The following CAMKK1 variants were observed in gnomAD, a reference collection of about 807,000 sequenced individuals.
The protein encoded by CAMKK1 is calcium/calmodulin-dependent protein kinase kinase 1.
Under a neutral mutation model 63.5 loss-of-function variants are expected in CAMKK1, and 20 were observed. That is an observed-to-expected ratio of 0.32 (90% CI 0.22 to 0.46). The LOEUF (loss-of-function observed/expected upper bound fraction) is 0.46, where lower values mean the gene tolerates loss of function less well. Among genes scored for constraint, CAMKK1 ranks in the 20% least tolerant of loss-of-function variants. CAMKK1 has a pLI of 1.00. For missense variants in CAMKK1, 588 were observed against 658.1 expected, an observed-to-expected ratio of 0.89 and a Z score of 1.17; for synonymous variants, 253 against 269.0, an observed-to-expected ratio of 0.94 and a Z score of 0.58.
At position 3,892,524 on chromosome 17, in the gene CAMKK1, C is replaced by A. The variant is rs1206834236; in HGVS notation, c.-44+415G>T. Among the ~76,000 whole-genome samples the A allele has an allele frequency of 6.6e-6, 1 of 152,146 alleles. No homozygotes were observed. The highest frequency in any genetic ancestry group is 2.4e-5 in the African/African-American group (1 of 41,440). ...TCTCCCACCCCGCCCCCGGCTCCTG[C>A]AGGAAGACGCTCCGGCGGGCCGTGG... On this transcript the variant is annotated intron_variant, in intron 1 of 15. Coordinates refer to ENST00000348335, the MANE Select transcript of CAMKK1 (RefSeq NM_032294.3). This position sits in a 1 kb window ranked among gnomAD's most constrained non-coding sequence, Gnocchi z 7.5.
At chr17:3,888,795 G>T (rs1195549928) in intron 1 of CAMKK1, among the ~76,000 whole-genome samples, 1 of 152,182 alleles carries the variant, frequency 6.6e-6, no homozygotes, top group Non-Finnish European at 1.5e-5. Context: ...GGCCGGGGAG[G>T]CCCGAGGTTC....
intron 14 of CAMKK1, among the ~76,000 whole-genome samples, chr17:3,866,440 C>T (rs1472748840): frequency 1.3e-5 from 2 of 152,260 alleles, no homozygotes; most frequent in African/African-American, 2.4e-5. Context: ...GAGCCGCAGC[C>T]GGTGGCCCAG....
intron 15 of CAMKK1, among the ~76,000 whole-genome samples, chr17:3,864,461 T>C (rs539509603): frequency 1.3e-5 from 2 of 151,210 alleles, no homozygotes; most frequent in Non-Finnish European, 2.9e-5. Flanking sequence ...TTAGCCAGGA[T>C]GGTCTCGATC....
Position 3,882,984 on chromosome 17 carries a change from G to C in CAMKK1, c.648+58C>G, listed in dbSNP as rs1251992064. The C allele has an allele frequency of 3.1e-6, 5 of 1,598,956 alleles. No homozygotes were observed. The East Asian group carries it at 8.9e-5, about 29-fold the overall frequency. On this transcript the variant is annotated intron_variant, in intron 6 of 15. Transcript: ENST00000348335. The surrounding 1 kb of genome is among the most constrained non-coding windows in gnomAD (Gnocchi z 4.3). ...CTGTGCTAGGGGCTCCCCAGCACCAGAAGCGGCTCCCATGAGACTCAGGTG... is the reference window on the plus strand; with the variant it reads ...CTGTGCTAGGGGCTCCCCAGCACCACAAGCGGCTCCCATGAGACTCAGGTG...
In CAMKK1 at chr17:3,871,626, A is replaced by G. The variant is rs193288914; in HGVS notation, c.1124+928T>C. 5.6e-3 allele frequency among the ~76,000 whole-genome samples: 807 copies of G among 143,598 alleles called. 5 individuals are homozygous for G. The highest frequency in any genetic ancestry group is 0.025 in the Middle Eastern group (6 of 238). 94.2% of individuals were successfully genotyped at this position (143,598 alleles called of 152,430 possible). A position where few individuals can be genotyped will look rare whatever the true frequency, so the allele number is the denominator to read the frequency against. ...CCTCCTTGGCCTCCCAAAGTGCTGGAATTACAGGTGTGAGCCGCCGCACCC... is the reference window on the plus strand; with the variant it reads ...CCTCCTTGGCCTCCCAAAGTGCTGGGATTACAGGTGTGAGCCGCCGCACCC... On this transcript the variant is annotated intron_variant, in intron 12 of 15. Transcript: ENST00000348335.
At chr17:3,878,277 G>A (rs966746803) in intron 9 of CAMKK1, among the ~76,000 whole-genome samples, 2 of 152,108 alleles carry the variant, frequency 1.3e-5, no homozygotes, top group Admixed American at 6.5e-5. Context: ...GGTCTTCAGC[G>A]CCCTCGTGCC....
In CAMKK1 at chr17:3,865,965, A is replaced by G. The variant is rs760604494; in HGVS notation, c.1388T>C (p.Phe463Ser). The G allele has an allele frequency of 1.9e-6, 3 of 1,614,220 alleles. No individual in the cohort carries two copies. The highest frequency in any genetic ancestry group is 1.7e-5 in the Admixed American group (1 of 60,022). ...MLRKRSFGNP[F>S]EPQARREERS... The stretch of plus-strand genomic sequence containing the variant: ...CTCTTCCCTCCGTGCTTGGGGCTCA[A>G]ACGGGTTCCCAAAGGAACGCTTCCT... The change falls in exon 15 of 16, where the codon TTT (phenylalanine) becomes TCT (serine). Residue 463 changes from phenylalanine to serine, a missense_variant. Phe to Ser is a radical substitution (Grantham distance 155). Coordinates refer to ENST00000348335, the MANE Select transcript of CAMKK1 (RefSeq NM_032294.3).
At position 3,890,581 on chromosome 17, in the gene CAMKK1, G is replaced by C. The variant is rs962650773; in HGVS notation, c.-44+2358C>G. On this transcript the variant is annotated intron_variant, in intron 1 of 15. Coordinates refer to ENST00000348335, the MANE Select transcript of CAMKK1 (RefSeq NM_032294.3). The surrounding 1 kb of genome is among the most constrained non-coding windows in gnomAD (Gnocchi z 6.5). ...CCTCCTCTGTCTCCATTGCGAGACG[G>C]GTACCACACCCTCCCCATTCTTTCC... 3.9e-6 allele frequency: 3 copies of C among 768,618 alleles called. No homozygotes were observed. Among genetic ancestry groups the C allele is most frequent in the Non-Finnish European group, 7.3e-6 (3 of 410,650 alleles). The allele number at this position is 768,618 out of a possible 1,614,324, so 47.6% of individuals were successfully genotyped here.
intron 13 of CAMKK1, 68 bp from the exon 14 acceptor site, chr17:3,869,683 C>A: frequency 6.2e-7 from 1 of 1,610,860 alleles, no homozygotes; most frequent in Non-Finnish European, 8.5e-7. Context: ...CTGGAGGGGT[C>A]CAAAGTCCAC....
intron 10 of CAMKK1, 102 bp downstream of exon 10, chr17:3,876,121 G>T: frequency 9.0e-7 from 1 of 1,116,446 alleles, no homozygotes; most frequent in Non-Finnish European, 1.3e-6. Context: ...TCACTCCCTA[G>T]ACACAAAGAC....
intron 12 of CAMKK1, among the ~76,000 whole-genome samples, chr17:3,870,399 T>C (rs1252387996): frequency 1.3e-5 from 2 of 150,958 alleles, no homozygotes; most frequent in Non-Finnish European, 3.0e-5. Flanking sequence ...GGAGTCTCGC[T>C]CTGTGGCCCA....
chr17:3,867,733 G>A (rs901212220), intron 14 of CAMKK1, among the ~76,000 whole-genome samples: 3 of 152,162 alleles, frequency 2.0e-5, no homozygotes, highest in African/African-American at 4.8e-5. Context: ...TAAAGTGCAA[G>A]GCCAGGCCCC....
chr17:3,869,058 TC>T (rs566814329), intron 14 of CAMKK1, among the ~76,000 whole-genome samples: 100 of 149,990 alleles, frequency 6.7e-4, no homozygotes, highest in African/African-American at 2.4e-3. Flanking sequence ...AAACTCCACC[TC>T]CCGGGTTCAC....
intron 1 of CAMKK1, 28 bp from the exon 2 acceptor site, chr17:3,885,758 A>G: frequency 1.3e-6 from 2 of 1,581,506 alleles, no homozygotes; most frequent in South Asian, 1.1e-5. Context: ...AGAAGGCTTC[A>G]CTCCTGGGTG....
intron 14 of CAMKK1, among the ~76,000 whole-genome samples, chr17:3,866,860 C>T (rs902267190): frequency 1.3e-5 from 2 of 152,202 alleles, no homozygotes; most frequent in Admixed American, 6.5e-5. Flanking sequence ...GCTGGGATTA[C>T]AGGCGTCCAC....
At chr17:3,874,000 A>G (rs76141823) in intron 10 of CAMKK1, among the ~76,000 whole-genome samples, 2,446 of 152,168 alleles carry the variant, frequency 0.016, 49 homozygotes, top group African/African-American at 0.045. Context: ...CCTGGACTCC[A>G]GCGTGTGCTC....
intron 14 of CAMKK1, among the ~76,000 whole-genome samples, chr17:3,868,659 CT>C (rs1240952614): frequency 3.6e-4 from 53 of 147,736 alleles, no homozygotes; most frequent in Non-Finnish European, 4.2e-4. Context: ...CTATTTCTTT[CT>C]TTTTTTTTTT....
At chr17:3,870,413 T>G (rs1241311585) in intron 12 of CAMKK1, among the ~76,000 whole-genome samples, 32 of 151,728 alleles carry the variant, frequency 2.1e-4, no homozygotes, top group Admixed American at 3.3e-4. Context: ...TGGCCCAGGC[T>G]GGAGTGCAGT....
chr17:3,883,037 C>G lies in CAMKK1; in HGVS notation c.648+5G>C. On this transcript the variant is annotated splice_donor_5th_base_variant and intron_variant, in intron 6 of 15. Coordinates refer to ENST00000348335, the MANE Select transcript of CAMKK1 (RefSeq NM_032294.3). This position sits in a 1 kb window ranked among gnomAD's most constrained non-coding sequence, Gnocchi z 4.7. The stretch of plus-strand genomic sequence containing the variant: ...GGTTCCCACCTGCTCACCACCACCC[C>G]CTACCTCGATCAGTTTGACCACATT... The G allele has an allele frequency of 6.2e-7, 1 of 1,613,854 alleles. No individual in the cohort carries two copies. Among genetic ancestry groups the G allele is most frequent in the Non-Finnish European group, 8.5e-7 (1 of 1,179,948 alleles).
Sources: gnomAD v4.1 joint callset for allele counts (sites outside exome capture counted in the v4.1 genomes callset) on GRCh38, gnomAD v4.1.1 for gene constraint, Gnocchi (gnomAD v3.1) non-coding constraint, MANE v1.5 for transcripts, NCBI Gene and HGNC (gene_info 2026-07-23, HGNC 2026-07-21) for gene names.